MGLL: variants seen among roughly 807,000 people sequenced by gnomAD.
The protein encoded by MGLL is lysophospholipase homolog.
Under a neutral mutation model 29.1 loss-of-function variants are expected in MGLL, and 7 were observed. The observed-to-expected ratio is 0.24, with a 90% confidence interval of 0.14 to 0.45. The LOEUF (loss-of-function observed/expected upper bound fraction) is 0.45, where lower values mean the gene tolerates loss of function less well. MGLL is among the 20% of genes least tolerant of loss of function. The pLI, the probability that MGLL is intolerant of heterozygous loss-of-function variation, is 0.99. For synonymous variants in MGLL, 148 were observed against 168.3 expected, an observed-to-expected ratio of 0.88 and a Z score of 0.93; for missense variants, 356 against 413.6, an observed-to-expected ratio of 0.86 and a Z score of 1.21.
intron 3 of MGLL, among the ~76,000 whole-genome samples, chr3:127,732,739 A>C (rs1434358252): frequency 1.3e-5 from 2 of 152,200 alleles, no homozygotes; most frequent in Admixed American, 6.5e-5. Context: ...CAAATTTCTA[A>C]GTGTGGGATA....
intron 2 of MGLL, among the ~76,000 whole-genome samples, chr3:127,804,246 G>A (rs1003011975): frequency 6.6e-6 from 1 of 152,274 alleles, no homozygotes; most frequent in Non-Finnish European, 1.5e-5. Flanking sequence ...ATGGGAGGAG[G>A]ATGGGGCCGC....
chr3:127,806,342 T>C (rs1258075628), intron 2 of MGLL, among the ~76,000 whole-genome samples: 1 of 152,246 alleles, frequency 6.6e-6, no homozygotes. Context: ...GAGTTTGTGC[T>C]CAGTAAATAT....
At chr3:127,703,534 A>G (rs1043217434) in intron 6 of MGLL, among the ~76,000 whole-genome samples, 2 of 152,204 alleles carry the variant, frequency 1.3e-5, no homozygotes, top group African/African-American at 4.8e-5. Context: ...CCTCTTGGGC[A>G]ACCCAGGCGG....
At chr3:127,812,953 C>T (rs1229698022) in intron 2 of MGLL, among the ~76,000 whole-genome samples, 1 of 152,142 alleles carries the variant, frequency 6.6e-6, no homozygotes, top group East Asian at 1.9e-4. Flanking sequence ...CTATGTTTCC[C>T]TGAAACACGT....
intron 3 of MGLL, among the ~76,000 whole-genome samples, chr3:127,727,587 C>T (rs570758007): frequency 2.6e-5 from 4 of 151,730 alleles, no homozygotes; most frequent in South Asian, 2.1e-4. Context: ...TGGTGCACAC[C>T]TGTAGTCCCA....
chr3:127,699,926 C>A (rs1176968302), intron 6 of MGLL, among the ~76,000 whole-genome samples: 1 of 152,216 alleles, frequency 6.6e-6, no homozygotes, highest in African/African-American at 2.4e-5. Context: ...CCCCTAATCA[C>A]AGAGAAATAC....
intron 2 of MGLL, among the ~76,000 whole-genome samples, chr3:127,809,358 G>T (rs1332672603): frequency 6.6e-6 from 1 of 152,132 alleles, no homozygotes; most frequent in African/African-American, 2.4e-5. Context: ...AGGTGTGGTG[G>T]CTCACACCTG....
chr3:127,746,629 T>C (rs1431083240), intron 3 of MGLL, among the ~76,000 whole-genome samples: 1 of 152,134 alleles, frequency 6.6e-6, no homozygotes, highest in Non-Finnish European at 1.5e-5. Flanking sequence ...CTGCACCCCC[T>C]GTCTTTGTGG....
intron 3 of MGLL, among the ~76,000 whole-genome samples, chr3:127,726,135 A>AGAAG (rs2076028377): frequency 4.2e-5 from 1 of 23,784 alleles, no homozygotes; most frequent in Non-Finnish European, 9.7e-5. Flanking sequence ...AAAGAAAGAA[A>AGAAG]GAAAGAAAGA....
intron 2 of MGLL, among the ~76,000 whole-genome samples, chr3:127,817,915 G>A (rs1022269456): frequency 2.6e-5 from 4 of 152,228 alleles, no homozygotes; most frequent in Non-Finnish European, 5.9e-5. Flanking sequence ...AGTCTCCATC[G>A]CCGTGCTGAT....
intron 2 of MGLL, among the ~76,000 whole-genome samples, chr3:127,812,920 T>C (rs1467863651): frequency 1.3e-5 from 2 of 152,124 alleles, no homozygotes; most frequent in Non-Finnish European, 2.9e-5. Flanking sequence ...GCATGCACCA[T>C]TGGCTTTTGC....
intron 2 of MGLL, among the ~76,000 whole-genome samples, chr3:127,786,301 T>C (rs960916447): frequency 6.6e-6 from 1 of 152,254 alleles, no homozygotes; most frequent in Non-Finnish European, 1.5e-5. Context: ...GTTCCTGCCC[T>C]TCTTCCCCTG....
chr3:127,724,363 T>G (rs900887921), intron 3 of MGLL, among the ~76,000 whole-genome samples: 1 of 152,234 alleles, frequency 6.6e-6, no homozygotes, highest in African/African-American at 2.4e-5. Context: ...GTCTTCAAGG[T>G]GCATCCATGT....
intron 3 of MGLL, among the ~76,000 whole-genome samples, chr3:127,774,668 C>T (rs984523813): frequency 2.6e-5 from 4 of 152,128 alleles, no homozygotes; most frequent in South Asian, 2.1e-4. Context: ...AGATGCCTGG[C>T]GTTGTGTATG....
intron 6 of MGLL, among the ~76,000 whole-genome samples, chr3:127,698,466 A>G (rs187760014): frequency 1.4e-4 from 21 of 152,314 alleles, no homozygotes; most frequent in African/African-American, 3.8e-4. Flanking sequence ...CATTCATTCA[A>G]TAGGGACCAG....
chr3:127,759,294 GAC>G (rs1266594351), intron 3 of MGLL, among the ~76,000 whole-genome samples: 3 of 152,316 alleles, frequency 2.0e-5, no homozygotes, highest in South Asian at 2.1e-4. Context: ...CAGCAACTGA[GAC>G]ACAGAGTCAG....
intron 5 of MGLL, chr3:127,711,055 A>G: frequency 2.9e-6 from 1 of 348,188 alleles, no homozygotes; most frequent in South Asian, 2.3e-5. Context: ...GTGCAGAATC[A>G]CACAGATCAA....
At chr3:127,796,710 C>T (rs2107730902) in intron 2 of MGLL, among the ~76,000 whole-genome samples, 1 of 152,318 alleles carries the variant, frequency 6.6e-6, no homozygotes, top group Non-Finnish European at 1.5e-5. Flanking sequence ...ATCGTGCACT[C>T]TTCTGAGCAC....
At chr3:127,722,256 C>T (rs2075941241) in intron 4 of MGLL, among the ~76,000 whole-genome samples, 174 bp downstream of exon 4, 1 of 152,230 alleles carries the variant, frequency 6.6e-6, no homozygotes, top group Non-Finnish European at 1.5e-5. Flanking sequence ...CTGGCAGCCT[C>T]CCTTGTTTCC....
Sources: gnomAD v4.1 joint callset for allele counts (sites outside exome capture counted in the v4.1 genomes callset) on GRCh38, gnomAD v4.1.1 for gene constraint, MANE v1.5 for transcripts, NCBI Gene and HGNC (gene_info 2026-07-23, HGNC 2026-07-21) for gene names.